Variants in TNFSF4 observed in about 807,000 individuals in gnomAD.
The protein encoded by TNFSF4 is tumor necrosis factor ligand superfamily member 4.
TNFSF4 carries 4 observed loss-of-function variants against 7.3 expected under a neutral mutation model. That is an observed-to-expected ratio of 0.55 (90% CI 0.27 to 1.25). The LOEUF is 1.25. Among genes scored for constraint, TNFSF4 ranks in the 50% most tolerant of loss-of-function variants. The probability of loss-of-function intolerance (pLI) is 0.12; values close to 1 mark genes in which losing one functional copy is unlikely to be tolerated. For synonymous variants in TNFSF4, 76 were observed against 83.7 expected, an observed-to-expected ratio of 0.91 and a Z score of 0.50; for missense variants, 181 against 208.8, an observed-to-expected ratio of 0.87 and a Z score of 0.82.
the TNFSF4 span, among the ~76,000 whole-genome samples, chr1:173,251,905 C>G: frequency 2.0e-5 from 3 of 152,078 alleles, no homozygotes; most frequent in East Asian, 5.8e-4. Context: ...AACCTATTTT[C>G]CCTGGAAAGA....
At chr1:173,416,159 T>A in the TNFSF4 span, among the ~76,000 whole-genome samples, 42 of 152,136 alleles carry the variant, frequency 2.8e-4, no homozygotes, top group South Asian at 8.7e-3. Flanking sequence ...GTCGGTGAGA[T>A]GTGGTGGGTG....
chr1:173,245,170 A>G, the TNFSF4 span, among the ~76,000 whole-genome samples: 1 of 152,150 alleles, frequency 6.6e-6, no homozygotes, highest in African/African-American at 2.4e-5. Context: ...GGCATATTCC[A>G]CTTCAAAATA....
the TNFSF4 span, among the ~76,000 whole-genome samples, chr1:173,173,511 C>A: frequency 2.0e-5 from 3 of 152,202 alleles, no homozygotes; most frequent in African/African-American, 2.4e-5. Context: ...ATAGGGCAAA[C>A]AACAAAGGTT....
the TNFSF4 span, among the ~76,000 whole-genome samples, chr1:173,235,099 T>A: frequency 1.2e-4 from 18 of 152,164 alleles, no homozygotes; most frequent in African/African-American, 3.9e-4. Context: ...TCAAATAAGT[T>A]GCAACTTTAT....
At chr1:173,267,891 C>G in the TNFSF4 span, among the ~76,000 whole-genome samples, 12 of 150,244 alleles carry the variant, frequency 8.0e-5, no homozygotes, top group African/African-American at 2.2e-4. Flanking sequence ...GAGAGGAGAG[C>G]AGAGGAGAGG....
intron 1 of TNFSF4, among the ~76,000 whole-genome samples, chr1:173,202,070 TACAC>T (rs1553213097): frequency 6.7e-6 from 1 of 149,558 alleles, no homozygotes; most frequent in Admixed American, 6.7e-5. Context: ...TATATATATA[TACAC>T]ACACACATAC....
At chr1:173,277,845 C>A in the TNFSF4 span, among the ~76,000 whole-genome samples, 4 of 152,096 alleles carry the variant, frequency 2.6e-5, no homozygotes, top group African/African-American at 2.4e-5. Flanking sequence ...AGTCTGATTA[C>A]AAAACTCATG....
chr1:173,390,885 A>G, the TNFSF4 span, among the ~76,000 whole-genome samples: 2,269 of 151,746 alleles, frequency 0.015, 57 homozygotes, highest in African/African-American at 0.052. Context: ...AGCTGGAATT[A>G]CAGGTGCCTG....
intron 1 of TNFSF4, among the ~76,000 whole-genome samples, chr1:173,190,271 G>A (rs7513384): frequency 0.037 from 5,587 of 152,186 alleles, 134 homozygotes; most frequent in Middle Eastern, 0.099. Flanking sequence ...TTGGCATGAC[G>A]TCCTAATCAA....
At chr1:173,305,816 C>T in the TNFSF4 span, among the ~76,000 whole-genome samples, 1 of 151,852 alleles carries the variant, frequency 6.6e-6, no homozygotes, top group South Asian at 2.1e-4. Context: ...AACTCACTCA[C>T]TATCATGAGA....
chr1:173,323,689 C>T, the TNFSF4 span, among the ~76,000 whole-genome samples: 160 of 152,248 alleles, frequency 1.1e-3, no homozygotes, highest in African/African-American at 3.8e-3. Context: ...AGCTGAAAAC[C>T]ATGGCACGAG....
the TNFSF4 span, among the ~76,000 whole-genome samples, chr1:173,270,574 A>G: frequency 6.6e-6 from 1 of 152,168 alleles, no homozygotes; most frequent in Non-Finnish European, 1.5e-5. Context: ...ATTGGGGAGC[A>G]TAATACTTAA....
chr1:173,371,572 A>G, the TNFSF4 span, among the ~76,000 whole-genome samples: 1 of 152,180 alleles, frequency 6.6e-6, no homozygotes, highest in Non-Finnish European at 1.5e-5. Context: ...AAAGGGTTAC[A>G]GGATATTGTC....
At chr1:173,300,148 AGATGATT>A in the TNFSF4 span, among the ~76,000 whole-genome samples, 1 of 142,512 alleles carries the variant, frequency 7.0e-6, no homozygotes, top group African/African-American at 2.7e-5. Context: ...GATAATAAAT[AGATGATT>A]GATAGATACA....
At chr1:173,422,633 G>A in the TNFSF4 span, among the ~76,000 whole-genome samples, 1 of 152,200 alleles carries the variant, frequency 6.6e-6, no homozygotes, top group Non-Finnish European at 1.5e-5. Flanking sequence ...GGCTGAGGCT[G>A]AGAAGATGGC....
At chr1:173,238,737 A>ACAAGCTTCTTCACAAC in the TNFSF4 span, among the ~76,000 whole-genome samples, 1 of 152,196 alleles carries the variant, frequency 6.6e-6, no homozygotes, top group Non-Finnish European at 1.5e-5. Flanking sequence ...GCTATTACTA[A>ACAAGCTTCTTCACAAC]AAAGTCAAAA....
the TNFSF4 span, among the ~76,000 whole-genome samples, chr1:173,318,475 G>T: frequency 1.8e-4 from 28 of 152,206 alleles, no homozygotes; most frequent in African/African-American, 6.7e-4. Flanking sequence ...AAGCAAGGTA[G>T]GCATTCTTAA....
chr1:173,363,538 C>T, the TNFSF4 span: 1 of 484,658 alleles, frequency 2.1e-6, no homozygotes, highest in Non-Finnish European at 4.1e-6. Flanking sequence ...CTTAAGAGCA[C>T]AAAATATAGC....
chr1:173,422,566 G>A, the TNFSF4 span, among the ~76,000 whole-genome samples: 1 of 152,272 alleles, frequency 6.6e-6, no homozygotes, highest in Non-Finnish European at 1.5e-5. Flanking sequence ...TGAGGTCAGG[G>A]AAACTTCACA....
Sources: gnomAD v4.1 joint callset for allele counts (sites outside exome capture counted in the v4.1 genomes callset) on GRCh38, gnomAD v4.1.1 for gene constraint, MANE v1.5 for transcripts, NCBI Gene and HGNC (gene_info 2026-07-23, HGNC 2026-07-21) for gene names.